UQCC4: variants seen among roughly 807,000 people sequenced by gnomAD.
The protein encoded by UQCC4 is cattle cerebrum and skeletal muscle-specific protein 1 family member.
chr16:1,420,413 T>C, the UQCC4 span: 2 of 1,614,240 alleles, frequency 1.2e-6, no homozygotes, highest in Non-Finnish European at 1.7e-6. Context: ...GGCAGCACCT[T>C]CCACCAGGGC....
At chr16:1,420,522 C>T in the UQCC4 span, 2 of 1,614,200 alleles carry the variant, frequency 1.2e-6, no homozygotes, top group South Asian at 2.2e-5. Flanking sequence ...CGTCCTCTTC[C>T]TCGGCGGCAG....
At chr16:1,420,747 C>T in the UQCC4 span, 4 of 1,535,388 alleles carry the variant, frequency 2.6e-6, no homozygotes, top group South Asian at 2.4e-5. Context: ...CCTCGACTGA[C>T]GCCTTGGCGC....
the UQCC4 span, chr16:1,420,706 A>C: frequency 1.3e-6 from 2 of 1,542,464 alleles, no homozygotes; most frequent in Non-Finnish European, 1.7e-6. Context: ...CCGCCGGGGC[A>C]CACAAGACAC....
the UQCC4 span, chr16:1,420,369 C>T: frequency 1.2e-6 from 2 of 1,614,114 alleles, no homozygotes; most frequent in African/African-American, 1.3e-5. Context: ...TCAGGTAGCA[C>T]CAGATGATCA....
chr16:1,420,625 G>A, the UQCC4 span: 9,162 of 1,556,952 alleles, frequency 5.9e-3, 37 homozygotes, highest in Non-Finnish European at 7.3e-3. Context: ...GGAAGAGAGA[G>A]AGCAGTAAGC....
chr16:1,420,678 C>T, the UQCC4 span: 4 of 1,548,096 alleles, frequency 2.6e-6, no homozygotes, highest in South Asian at 4.7e-5. Context: ...CCTCCGAGAC[C>T]TTGAGGAGCT....
At chr16:1,420,538 G>A in the UQCC4 span, 4 of 1,613,814 alleles carry the variant, frequency 2.5e-6, no homozygotes, top group Non-Finnish European at 3.4e-6. Context: ...GGCAGGGTGG[G>A]CCCGATCCCG....
chr16:1,420,547 C>G, the UQCC4 span: 1 of 1,613,256 alleles, frequency 6.2e-7, no homozygotes, highest in South Asian at 1.1e-5. Context: ...GGCCCGATCC[C>G]GGGAACCGGG....
chr16:1,420,311 C>T, the UQCC4 span: 4 of 1,614,166 alleles, frequency 2.5e-6, no homozygotes, highest in African/African-American at 1.3e-5. Flanking sequence ...GGCTCTGGCA[C>T]CTCTCCCCAC....
At chr16:1,420,726 C>G in the UQCC4 span, 1 of 1,538,840 alleles carries the variant, frequency 6.5e-7, no homozygotes, top group Non-Finnish European at 8.7e-7. Flanking sequence ...CGATTCATTG[C>G]TGCCTTGACT....
chr16:1,420,722 A>G, the UQCC4 span: 57 of 1,539,682 alleles, frequency 3.7e-5, 2 homozygotes, highest in South Asian at 5.7e-4. Flanking sequence ...GACACGATTC[A>G]TTGCTGCCTT....
the UQCC4 span, chr16:1,419,783 T>G: frequency 4.6e-6 from 3 of 649,788 alleles, no homozygotes; most frequent in Non-Finnish European, 6.5e-6. Flanking sequence ...TTTATTTTCA[T>G]TTGTTGTTGT....
At chr16:1,420,108 A>T in the UQCC4 span, 2 of 1,613,344 alleles carry the variant, frequency 1.2e-6, no homozygotes, top group South Asian at 2.2e-5. Context: ...GAATCAGCAT[A>T]GCCAAGTGCC....
chr16:1,420,624 A>G, the UQCC4 span: 313 of 1,556,786 alleles, frequency 2.0e-4, no homozygotes, highest in Non-Finnish European at 2.7e-4. Flanking sequence ...TGGAAGAGAG[A>G]GAGCAGTAAG....
chr16:1,420,472 T>G, the UQCC4 span: 1 of 1,614,148 alleles, frequency 6.2e-7, no homozygotes, highest in South Asian at 1.1e-5. Flanking sequence ...GCGGTGAGGG[T>G]TGGCTTTGCT....
the UQCC4 span, chr16:1,420,451 C>G: frequency 1.2e-6 from 2 of 1,614,128 alleles, no homozygotes; most frequent in African/African-American, 1.3e-5. Flanking sequence ...CATGGTATGG[C>G]CCACCGACCA....
At chr16:1,420,303 C>T in the UQCC4 span, 2,450 of 1,614,172 alleles carry the variant, frequency 1.5e-3, 33 homozygotes, top group African/African-American at 0.029. Flanking sequence ...GATCACTGGG[C>T]TCTGGCACCT....
the UQCC4 span, chr16:1,420,329 T>C: frequency 3.1e-6 from 5 of 1,614,188 alleles, no homozygotes; most frequent in Middle Eastern, 6.6e-4. Context: ...CACACCTGTC[T>C]CAACCACTGG....
the UQCC4 span, chr16:1,420,140 C>G: frequency 6.2e-7 from 1 of 1,613,688 alleles, no homozygotes; most frequent in South Asian, 1.1e-5. Context: ...CCAAGTCCTT[C>G]AGTGCTGAGG....
Sources: allele counts gnomAD v4.1 joint callset, GRCh38; gene constraint gnomAD v4.1.1; transcripts MANE v1.5; gene names NCBI Gene and HGNC (gene_info 2026-07-23, HGNC 2026-07-21).